Variants in IQSEC1 observed in about 807,000 individuals in gnomAD.
IQSEC1 encodes the protein IQ motif and SEC7 domain-containing protein 1.
In IQSEC1, 31 loss-of-function variants were observed where a neutral mutation model predicts 91.0. The ratio of observed to expected loss-of-function variants is 0.34; its 90% CI spans 0.26 to 0.46. IQSEC1 has a LOEUF of 0.46. Ranked by LOEUF, IQSEC1 falls within the 20% of genes least tolerant of loss-of-function variation. The probability of loss-of-function intolerance (pLI) is 1.00; values close to 1 mark genes in which losing one functional copy is unlikely to be tolerated. For missense variants in IQSEC1, 1,388 were observed against 1,575.6 expected, an observed-to-expected ratio of 0.88 and a Z score of 2.02; for synonymous variants, 699 against 662.6, an observed-to-expected ratio of 1.05 and a Z score of -0.84.
At position 12,934,023 on chromosome 3, in the gene IQSEC1, G is replaced by C. The variant is rs527634873; in HGVS notation, c.1568+1425C>G. On this transcript the variant is annotated intron_variant, in intron 3 of 13. Coordinates refer to ENST00000613206, the MANE Select transcript of IQSEC1 (RefSeq NM_001134382.3). Reference sequence around the variant, plus strand: ...CCAGCCTCCCCTCTAGGGCACATGGGCCTGGGTCGAGAGATGATCCTGGAG... The same window carrying C: ...CCAGCCTCCCCTCTAGGGCACATGGCCCTGGGTCGAGAGATGATCCTGGAG... 2.0e-4 allele frequency among the ~76,000 whole-genome samples: 30 copies of C among 152,320 alleles called. No homozygotes were observed. In the South Asian group the frequency reaches 5.2e-3, roughly 26 times the overall value.
chr3:13,157,443 G>A (rs1707101736), intron 2 of IQSEC1, among the ~76,000 whole-genome samples: 1 of 152,108 alleles, frequency 6.6e-6, no homozygotes, highest in Non-Finnish European at 1.5e-5. Flanking sequence ...GCAGGCTGAG[G>A]GTATCCAGAG....
chr3:13,049,279 G>A (rs554143788), intron 1 of IQSEC1, among the ~76,000 whole-genome samples: 1 of 152,256 alleles, frequency 6.6e-6, no homozygotes, highest in African/African-American at 2.4e-5. Context: ...CTGCAAAATG[G>A]TGCCAGGTTC....
At position 13,245,625 on chromosome 3, in the gene IQSEC1, G is replaced by C. The variant is rs115924137; in HGVS notation, c.272+37086C>G. ...CTACTAAAATACAAAAAAATTCCTG[G>C]GTGTGATGGCACACACCTGTAGTCC... On this transcript the variant is annotated intron_variant, in intron 1 of 15. Transcript: ENST00000648114. 9.2e-3 allele frequency among the ~76,000 whole-genome samples: 1,397 copies of C among 152,166 alleles called. 11 individuals are homozygous for C. Among genetic ancestry groups the C allele is most frequent in the African/African-American group, 0.032 (1,330 of 41,494 alleles).
At chr3:13,117,416 C>T (rs1190200485) in intron 2 of IQSEC1, among the ~76,000 whole-genome samples, 1 of 151,208 alleles carries the variant, frequency 6.6e-6, no homozygotes, top group Non-Finnish European at 1.5e-5. Flanking sequence ...GAAACCCCGT[C>T]TCTACTAAAA....
chr3:13,026,867 T>G (rs1210001956), intron 1 of IQSEC1, among the ~76,000 whole-genome samples: 1 of 75,588 alleles, frequency 1.3e-5, no homozygotes, highest in African/African-American at 4.3e-5. Flanking sequence ...CTCCCCAGTT[T>G]TTTTTTTTTT....
At position 12,950,941 on chromosome 3, in the gene IQSEC1, C is replaced by T. The variant is rs192052433; in HGVS notation, c.24-9076G>A. Among the ~76,000 whole-genome samples, 882 of 152,166 alleles carry T rather than the reference C, an allele frequency of 5.8e-3. 8 individuals are homozygous for T. The highest frequency in any genetic ancestry group is 0.02 in the African/African-American group (824 of 41,494). ...GATTACAGGTGTGAGCCACTGCGCC[C>T]GGCCAAAAAAATTTTTTAAATAGCT... On this transcript the variant is annotated intron_variant, in intron 1 of 13. Transcript: ENST00000613206.
intron 1 of IQSEC1, chr3:13,022,526 C>G (rs892826499): frequency 1.1e-4 from 103 of 934,228 alleles, no homozygotes; most frequent in Non-Finnish European, 1.3e-4. Context: ...GCTCAGCTGC[C>G]GGAGCCCAGG....
intron 1 of IQSEC1, among the ~76,000 whole-genome samples, chr3:12,982,632 C>G (rs1282279441): frequency 2.6e-5 from 4 of 152,254 alleles, no homozygotes; most frequent in African/African-American, 7.2e-5. Context: ...AAGCCCTGTT[C>G]TAGAAAGAGA....
chr3:13,055,646 G>A (rs1704848888), intron 1 of IQSEC1, among the ~76,000 whole-genome samples: 1 of 152,222 alleles, frequency 6.6e-6, no homozygotes, highest in African/African-American at 2.4e-5. Flanking sequence ...AACCTCAAGT[G>A]ATCCAGAAAG....
intron 1 of IQSEC1, among the ~76,000 whole-genome samples, chr3:12,999,418 C>G (rs1406767190): frequency 6.6e-6 from 1 of 152,166 alleles, no homozygotes; most frequent in African/African-American, 2.4e-5. Flanking sequence ...TCTTCATTCT[C>G]CCATTCCCAG....
intron 1 of IQSEC1, among the ~76,000 whole-genome samples, chr3:13,045,189 C>T (rs1010902442): frequency 3.3e-5 from 5 of 152,240 alleles, no homozygotes; most frequent in East Asian, 3.8e-4. Context: ...CCTCACCCCT[C>T]CTGTGCTTCC....
At chr3:12,998,519 C>A in intron 1 of IQSEC1, among the ~76,000 whole-genome samples, 1 of 152,118 alleles carries the variant, frequency 6.6e-6, no homozygotes, top group East Asian at 1.9e-4. Flanking sequence ...GGTGTGGCAA[C>A]TCTTACCTGT....
chr3:13,015,671 C>T (rs914053058), intron 1 of IQSEC1: 1 of 985,306 alleles, frequency 1.0e-6, no homozygotes, highest in South Asian at 4.7e-5. Flanking sequence ...TCCATCCCCA[C>T]AGCAGGTCCT....
chr3:13,171,837 C>T (rs1693620966), intron 1 of IQSEC1, among the ~76,000 whole-genome samples: 1 of 152,204 alleles, frequency 6.6e-6, no homozygotes, highest in African/African-American at 2.4e-5. Context: ...CTGCCCAGGG[C>T]TTGGTGTGTG....
At chr3:12,943,330 C>T (rs1160319653) in intron 1 of IQSEC1, among the ~76,000 whole-genome samples, 1 of 152,230 alleles carries the variant, frequency 6.6e-6, no homozygotes, top group Admixed American at 6.5e-5. Context: ...CTGACGAGCT[C>T]ATCCCGACTC....
At position 12,970,202 on chromosome 3, in the gene IQSEC1, G is replaced by C. The variant is rs959573068; in HGVS notation, c.24-28337C>G. On this transcript the variant is annotated intron_variant, in intron 1 of 13. Coordinates refer to ENST00000613206, the MANE Select transcript of IQSEC1 (RefSeq NM_001134382.3). The surrounding 1 kb of genome is among the most constrained non-coding windows in gnomAD (Gnocchi z 4.4). ...GAGGCCTCAGTGGGGAAACACTGCT[G>C]TGACAAGTATTCCCCAGTATGGTGT... 2.6e-5 allele frequency among the ~76,000 whole-genome samples: 4 copies of C among 152,214 alleles called. No individual in the cohort carries two copies. Among genetic ancestry groups the C allele is most frequent in the African/African-American group, 9.7e-5 (4 of 41,442 alleles).
intron 1 of IQSEC1, among the ~76,000 whole-genome samples, chr3:13,202,062 C>T (rs1694255039): frequency 6.6e-6 from 1 of 152,334 alleles, no homozygotes; most frequent in East Asian, 1.9e-4. Context: ...AGTGATCAGA[C>T]GTTGTCTCTA....
intron 1 of IQSEC1, among the ~76,000 whole-genome samples, chr3:13,209,286 G>A (rs1443290391): frequency 6.6e-6 from 1 of 152,204 alleles, no homozygotes. Context: ...TAGTCCAGTT[G>A]CACTTGCTTG....
chr3:13,123,887 G>T lies in IQSEC1; in HGVS notation c.302+40217C>A, dbSNP rs1374390153. On this transcript the variant is annotated intron_variant, in intron 2 of 15. Coordinates refer to the IQSEC1 transcript ENST00000648114. ...AGGATTTAGCATATGTGGATCAGGGGTCTGCAAACCATGGCTCTCGAGCCA... is the reference window on the plus strand; with the variant it reads ...AGGATTTAGCATATGTGGATCAGGGTTCTGCAAACCATGGCTCTCGAGCCA... Among the ~76,000 whole-genome samples the T allele has an allele frequency of 2.0e-5, 3 of 152,232 alleles. No homozygotes were observed. In the East Asian group the frequency reaches 5.8e-4, roughly 29 times the overall value.
Sources: gnomAD v4.1 joint callset for allele counts (sites outside exome capture counted in the v4.1 genomes callset) on GRCh38, gnomAD v4.1.1 for gene constraint, Gnocchi (gnomAD v3.1) non-coding constraint, MANE v1.5 for transcripts, NCBI Gene and HGNC (gene_info 2026-07-23, HGNC 2026-07-21) for gene names.